The following CAPN14 variants were observed in gnomAD, a reference collection of about 807,000 sequenced individuals.
CAPN14 encodes calpain 14, also known as calpain-14.
In CAPN14, 94 loss-of-function variants were observed where a neutral mutation model predicts 101.3. The observed-to-expected ratio is 0.93, with a 90% CI of 0.79 to 1.10. The LOEUF (loss-of-function observed/expected upper bound fraction) is 1.10. CAPN14 is among the 50% of genes least tolerant of loss of function. CAPN14 has a pLI of 0.00. For synonymous variants in CAPN14, 338 were observed against 317.9 expected (o/e 1.06, Z -0.67); for missense variants, 837 against 828.4 (o/e 1.01, Z -0.13).
rs748129804 is a variant in CAPN14 at position 31,178,571 on chromosome 2, T to C, written c.1719A>G (p.Ala573=). The part of the protein sequence containing the change: ...QGILALLDLN[A]SGTMSIQEFR... The stretch of plus-strand genomic sequence containing the variant: ...ATTCCTGGATGCTCATAGTACCTGA[T>C]GCATTAAGCTGATTAATAGGTTAAG... The change falls in exon 18 of 22, where the codon GCA becomes GCG. Residue 573 remains alanine (A), a synonymous_variant. Coordinates refer to ENST00000403897, the MANE Select transcript of CAPN14 (RefSeq NM_001145122.2). The C allele has an allele frequency of 1.3e-5, 20 of 1,537,160 alleles. 2 individuals are homozygous for C. The South Asian group carries it at 2.3e-4, about 18-fold the overall frequency.
Position 31,177,051 on chromosome 2 carries a change from C to T in CAPN14, c.1947G>A (p.Leu649=), listed in dbSNP as rs1390319120. The change falls in exon 20 of 22, where the codon TTG becomes TTA. Residue 649 remains leucine (L), a synonymous_variant. Transcript: ENST00000403897. Reference sequence around the variant, plus strand: ...CCTCCATGTTCTCTACACGCAGCATCAAGTGGATGAAACTGACAAAGTCCA... The same window carrying T: ...CCTCCATGTTCTCTACACGCAGCATTAAGTGGATGAAACTGACAAAGTCCA... ...LQMDFVSFIH[L]MLRVENMEDV... 6.4e-7 allele frequency: 1 copy of T among 1,551,452 alleles called. No homozygotes were observed. Among genetic ancestry groups the T allele is most frequent in the Admixed American group, 2.0e-5 (1 of 51,006 alleles).
In CAPN14 at chr2:31,203,150, C is replaced by T; in HGVS notation, c.226-11G>A. 1 of 1,551,108 alleles carries T rather than the reference C, an allele frequency of 6.4e-7. No individual in the cohort carries two copies. The highest frequency in any genetic ancestry group is 1.2e-5 in the South Asian group (1 of 84,046). ...ATTGCTGTGCAGCTCCTGGGAAAGACAAACAGAATTGTCATTCTGACCTAG... is the reference window on the plus strand; with the variant it reads ...ATTGCTGTGCAGCTCCTGGGAAAGATAAACAGAATTGTCATTCTGACCTAG... On this transcript the variant is annotated splice_polypyrimidine_tract_variant and intron_variant, in intron 2 of 21. Transcript: ENST00000403897.
At chr2:31,198,458 C>T (rs1681580779) in intron 7 of CAPN14, among the ~76,000 whole-genome samples, 1 of 152,170 alleles carries the variant, frequency 6.6e-6, no homozygotes, top group South Asian at 2.1e-4. Context: ...TAACTGAGAC[C>T]TGTCTCAGAT....
chr2:31,189,252 G>A (rs766962535), intron 13 of CAPN14, 21 bp downstream of exon 13: 13 of 1,548,944 alleles, frequency 8.4e-6, no homozygotes, highest in Non-Finnish European at 1.0e-5. Context: ...CCACCCTCTA[G>A]GAGAGACCTT....
At chr2:31,183,445 A>AC (rs1680748250) in intron 16 of CAPN14, among the ~76,000 whole-genome samples, 1 of 152,158 alleles carries the variant, frequency 6.6e-6, no homozygotes, top group African/African-American at 2.4e-5. Context: ...CATCTGACAA[A>AC]GGGCTAATAT....
chr2:31,221,135 T>C (rs192626958), upstream of CAPN14, among the ~76,000 whole-genome samples: 2 of 152,350 alleles, frequency 1.3e-5, no homozygotes, highest in Non-Finnish European at 2.9e-5. Flanking sequence ...CAGAAAAATA[T>C]TCGTTAAGAA....
intron 1 of CAPN14, among the ~76,000 whole-genome samples, chr2:31,229,225 C>T (rs1683113285): frequency 1.3e-5 from 2 of 152,192 alleles, no homozygotes; most frequent in South Asian, 4.1e-4. Flanking sequence ...GGGAGGAGCA[C>T]ATAAGTAGAT....
intron 2 of CAPN14, among the ~76,000 whole-genome samples, chr2:31,222,543 A>G (rs960502038): frequency 6.6e-6 from 1 of 152,202 alleles, no homozygotes; most frequent in African/African-American, 2.4e-5. Context: ...ACTTTACATG[A>G]TTAGTGGAAA....
intron 16 of CAPN14, among the ~76,000 whole-genome samples, chr2:31,182,093 G>A (rs1463905955): frequency 2.6e-5 from 4 of 152,070 alleles, no homozygotes; most frequent in Admixed American, 6.6e-5. Flanking sequence ...CCGAGGATTC[G>A]CCACACTGAC....
upstream of CAPN14, among the ~76,000 whole-genome samples, chr2:31,220,560 C>T (rs936468986): frequency 1.3e-5 from 2 of 152,196 alleles, no homozygotes; most frequent in African/African-American, 4.8e-5. Context: ...CATGGTGGCT[C>T]ACGCCTGTAA....
rs1394597088 is a variant in CAPN14, at chr2:31,177,059, T to A, written c.1939A>T (p.Ile647Phe). Reference sequence around the variant, plus strand: ...TTCTCTACACGCAGCATCAAGTGGATGAAACTGACAAAGTCCATCTGGAGG... The same window carrying A: ...TTCTCTACACGCAGCATCAAGTGGAAGAAACTGACAAAGTCCATCTGGAGG... ...PRLQMDFVSF[I>F]HLMLRVENME... Residue 647 changes from isoleucine (I) to phenylalanine (F), a missense_variant, in exon 20 of 22, where the codon ATC becomes TTC. Coordinates refer to ENST00000403897, the MANE Select transcript of CAPN14 (RefSeq NM_001145122.2). The A allele has an allele frequency of 2.6e-6, 4 of 1,551,402 alleles. No homozygotes were observed. The highest frequency in any genetic ancestry group is 3.5e-6 in the Non-Finnish European group (4 of 1,146,868).
intron 2 of CAPN14, among the ~76,000 whole-genome samples, chr2:31,223,669 C>T (rs552218257): frequency 6.6e-6 from 1 of 151,718 alleles, no homozygotes; most frequent in South Asian, 2.1e-4. Flanking sequence ...GCTGGGACTA[C>T]AGACGCCCAC....
At chr2:31,178,410 G>A (rs925958974) in intron 18 of CAPN14, 101 bp downstream of exon 18, 1 of 851,672 alleles carries the variant, frequency 1.2e-6, no homozygotes, top group Non-Finnish European at 1.9e-6. Flanking sequence ...TGGTGAGGTG[G>A]ATATAAAGGG....
chr2:31,176,498 C>T (rs1488448015), intron 21 of CAPN14, 89 bp downstream of exon 21: 2 of 966,934 alleles, frequency 2.1e-6, no homozygotes, highest in Non-Finnish European at 3.2e-6. Context: ...AAAGTGTCCC[C>T]AGAGCCCTTC....
intron 17 of CAPN14, among the ~76,000 whole-genome samples, chr2:31,180,283 C>T (rs1680524621): frequency 6.6e-6 from 1 of 152,298 alleles, no homozygotes; most frequent in Non-Finnish European, 1.5e-5. Flanking sequence ...CATGCCCGTG[C>T]ACCTAATCCT....
Position 31,174,249 on chromosome 2 carries a change from A to G in CAPN14, c.*432T>C. ...ATGCTGGGACTAAATGTCTAAGGAT[A>G]TATCATTCCCATTTCAGACCTTAAA... On this transcript the variant is annotated 3_prime_UTR_variant, in exon 22 of 22. Transcript: ENST00000403897. 4.3e-6 allele frequency: 1 copy of G among 231,538 alleles called. No homozygotes were observed. The highest frequency in any genetic ancestry group is 8.4e-6 in the Non-Finnish European group (1 of 118,410). The allele number at this position is 231,538 out of a possible 1,614,324, so 14.3% of individuals were successfully genotyped here.
intron 2 of CAPN14, among the ~76,000 whole-genome samples, chr2:31,203,535 T>A (rs1472011842): frequency 6.6e-6 from 1 of 152,202 alleles, no homozygotes; most frequent in Non-Finnish European, 1.5e-5. Context: ...GATGTTCTTT[T>A]TGGCTTTTCC....
At chr2:31,224,138 T>C (rs1210087121) in intron 2 of CAPN14, among the ~76,000 whole-genome samples, 1 of 152,190 alleles carries the variant, frequency 6.6e-6, no homozygotes, top group Non-Finnish European at 1.5e-5. Flanking sequence ...GGCAGTGCTT[T>C]AGTATTCTTG....
In CAPN14 at chr2:31,176,616, C is replaced by T. The variant is rs73921555; in HGVS notation, c.1999G>A (p.Gly667Ser). The T allele has an allele frequency of 7.6e-4, 1,180 of 1,551,704 alleles. 9 individuals carry two copies. The African/African-American group carries it at 0.013, about 17-fold the overall frequency. The change falls in exon 21 of 22, where the codon GGC becomes AGC. Residue 667 changes from glycine (G) to serine (S), a missense_variant. By Grantham distance (56) the Gly-to-Ser change is moderately conservative (BLOSUM62 0). Transcript: ENST00000403897. ...GGCTTCTGGAGGTATATCCCTTTGCCATCTTGGGTTAAGTTTTGGAAGACA... is the reference window on the plus strand; with the variant it reads ...GGCTTCTGGAGGTATATCCCTTTGCTATCTTGGGTTAAGTTTTGGAAGACA... The part of the protein sequence containing the change: ...EDVFQNLTQD[G>S]KGIYLQKPEW...
Sources: gnomAD v4.1 joint callset for allele counts (sites outside exome capture counted in the v4.1 genomes callset) on GRCh38, gnomAD v4.1.1 for gene constraint, MANE v1.5 for transcripts, NCBI Gene and HGNC (gene_info 2026-07-23, HGNC 2026-07-21) for gene names.